The following UPF3B variants were observed in gnomAD, a reference collection of about 807,000 sequenced individuals.
UPF3B encodes regulator of nonsense transcripts 3B.
In UPF3B, 7 loss-of-function variants were observed where a neutral mutation model predicts 40.3. That is an observed-to-expected ratio of 0.17 (90% CI 0.10 to 0.33). The LOEUF (loss-of-function observed/expected upper bound fraction) is 0.33. Ranked by LOEUF, UPF3B falls within the 10% of genes least tolerant of loss-of-function variation. The pLI is 1.00. For synonymous variants in UPF3B, 117 were observed against 117.3 expected (o/e 1.00, Z 0.01); for missense variants, 229 against 358.9 (o/e 0.64, Z 2.93).
chrX:119,834,021 C>T (rs1238402781), downstream of UPF3B: 1 of 752,414 alleles, frequency 1.3e-6, no homozygotes, highest in Non-Finnish European at 1.6e-6. Context: ...ACACACTTAG[C>T]TTCACACTTG....
downstream of UPF3B, among the ~76,000 whole-genome samples, chrX:119,832,318 G>A (rs773358644): frequency 8.9e-6 from 1 of 112,186 alleles, no homozygotes; most frequent in East Asian, 2.8e-4. Flanking sequence ...GATTGCAGTG[G>A]CATGATCTTG....
At chrX:119,844,849 C>T (rs923933261) in intron 4 of UPF3B, among the ~76,000 whole-genome samples, 1 of 112,076 alleles carries the variant, frequency 8.9e-6, no homozygotes, top group East Asian at 2.8e-4. Flanking sequence ...ATGATCCGCC[C>T]GCCTTGGCCT....
chrX:119,821,481 A>C (rs2055918058), intron 4 of UPF3B, among the ~76,000 whole-genome samples: 1 of 112,742 alleles, frequency 8.9e-6, no homozygotes, highest in Non-Finnish European at 1.9e-5. Context: ...AGGCTAATAC[A>C]GTATAAAAAA....
intron 3 of UPF3B, among the ~76,000 whole-genome samples, chrX:119,823,827 G>A (rs1167359061): frequency 9.0e-6 from 1 of 111,235 alleles, no homozygotes; most frequent in African/African-American, 3.3e-5. Context: ...ACCTCCCAAA[G>A]TGCTGGGATT....
At chrX:119,837,704 T>G (rs2056113593) in intron 10 of UPF3B, 53 bp downstream of exon 10, 1 of 1,168,037 alleles carries the variant, frequency 8.6e-7, no homozygotes, top group African/African-American at 1.8e-5. Flanking sequence ...TTCTTTACAC[T>G]TGCAGGAAAA....
At chrX:119,822,927 G>A (rs1272000608) in intron 4 of UPF3B, 6 of 909,547 alleles carry the variant, frequency 6.6e-6, no homozygotes, top group Non-Finnish European at 8.3e-6. Flanking sequence ...CTTTTCTATG[G>A]CTAATACCAC....
rs149544140 is a variant in UPF3B at position 119,835,016 on chromosome X, C to T, written c.1314G>A (p.Ala438=). The change falls in exon 11 of 11, where the codon GCG becomes GCA. Residue 438 remains alanine (A), a synonymous_variant. Transcript: ENST00000276201. ...GAGCTCCTGGTTGGTAAAGCTGCAT[C>T]GCTGGACGATCCTGAAGTACAATAA... ...RDRIRNKDRP[A]MQLYQPGARS... is the part of the protein sequence containing the mutation. The T allele has an allele frequency of 6.7e-6, 8 of 1,202,433 alleles. No individual in the cohort carries two copies. Among genetic ancestry groups the T allele is most frequent in the South Asian group, 5.3e-5 (3 of 56,837 alleles).
chrX:119,809,333 G>A (rs1199597516), intron 5 of UPF3B, among the ~76,000 whole-genome samples: 6 of 111,789 alleles, frequency 5.4e-5, no homozygotes, highest in Non-Finnish European at 1.9e-5. Flanking sequence ...TTTGGGTGGG[G>A]ACACAGAGCC....
At chrX:119,838,222 A>C in intron 9 of UPF3B, 145 bp downstream of exon 9, 1 of 904,281 alleles carries the variant, frequency 1.1e-6, no homozygotes, top group Non-Finnish European at 1.6e-6. Context: ...ACCCAGATTA[A>C]GATACAAGAA....
downstream of UPF3B, chrX:119,833,937 A>G (rs2056063500): frequency 1.6e-6 from 1 of 622,416 alleles, no homozygotes. Flanking sequence ...CTTAGGCTTC[A>G]CTAGAAGGTG....
chrX:119,850,800 G>A (rs933707501), intron 3 of UPF3B, among the ~76,000 whole-genome samples: 2 of 111,688 alleles, frequency 1.8e-5, no homozygotes, highest in East Asian at 2.8e-4. Context: ...GTGCAGTGGC[G>A]TGATCTCAGC....
chrX:119,806,491 A>T (rs903729645), intron 6 of UPF3B, among the ~76,000 whole-genome samples: 4 of 111,594 alleles, frequency 3.6e-5, no homozygotes, highest in African/African-American at 9.8e-5. Flanking sequence ...AATAAAAAAT[A>T]AAAAAAGCTG....
intron 3 of UPF3B, among the ~76,000 whole-genome samples, chrX:119,824,128 G>T (rs1350025713): frequency 9.8e-6 from 1 of 102,006 alleles, no homozygotes; most frequent in Non-Finnish European, 2.0e-5. Context: ...AGGAGGGAGG[G>T]CCCTCCTGTG....
downstream of UPF3B, among the ~76,000 whole-genome samples, chrX:119,833,468 T>C (rs891793583): frequency 2.7e-5 from 3 of 111,404 alleles, no homozygotes; most frequent in African/African-American, 9.8e-5. Flanking sequence ...GCCTCCTGAG[T>C]AGCTGGGGCT....
At chrX:119,840,449 C>T (rs1049538083) in intron 8 of UPF3B, 197 bp downstream of exon 8, 4 of 385,323 alleles carry the variant, frequency 1.0e-5, no homozygotes, top group African/African-American at 1.0e-4. Context: ...CACAGCAGAG[C>T]ATCAGGAAGT....
At position 119,838,357 on chromosome X, in the gene UPF3B, G is replaced by A. The variant is rs377648767; in HGVS notation, c.1007+10C>T. ...AAATCAAACATAACAAAGAGTCCTT[G>A]ACTACTGACCTCTTTGGTTTTTCAT... On this transcript the variant is annotated intron_variant, in intron 9 of 10. Coordinates refer to ENST00000276201, the MANE Select transcript of UPF3B (RefSeq NM_080632.3). 2.5e-6 allele frequency: 3 copies of A among 1,210,008 alleles called. No individual in the cohort carries two copies. Among genetic ancestry groups the A allele is most frequent in the Non-Finnish European group, 3.4e-6 (3 of 894,009 alleles).
At chrX:119,810,558 G>A (rs1442194061) in intron 5 of UPF3B, among the ~76,000 whole-genome samples, 3 of 111,993 alleles carry the variant, frequency 2.7e-5, no homozygotes, top group East Asian at 5.5e-4. Flanking sequence ...ACTTTCTGGA[G>A]GGCCAAAGAA....
intron 8 of UPF3B, among the ~76,000 whole-genome samples, chrX:119,839,351 A>T (rs2056136430): frequency 8.9e-6 from 1 of 112,440 alleles, no homozygotes; most frequent in Admixed American, 9.4e-5. Context: ...ATTAGAGATT[A>T]ATAACAAGAA....
chrX:119,838,327 T>G (rs747468277), intron 9 of UPF3B, 40 bp downstream of exon 9: 4 of 1,196,382 alleles, frequency 3.3e-6, no homozygotes, highest in Non-Finnish European at 4.5e-6. Flanking sequence ...AAAACTAGCA[T>G]GTATAAATCA....
Sources: allele counts gnomAD v4.1 joint callset (sites outside exome capture counted in the v4.1 genomes callset), GRCh38; gene constraint gnomAD v4.1.1; transcripts MANE v1.5; gene names NCBI Gene and HGNC (gene_info 2026-07-23, HGNC 2026-07-21).